Variants in LAMA2 observed in about 807,000 individuals in gnomAD.
LAMA2 encodes laminin subunit alpha-2.
A neutral mutation model predicts 364.8 loss-of-function variants in LAMA2; 269 were observed. The ratio of observed to expected loss-of-function variants is 0.74; its 90% CI spans 0.67 to 0.82. The LOEUF (loss-of-function observed/expected upper bound fraction) is 0.82. LAMA2 is among the 40% of genes least tolerant of loss of function. The pLI, the probability that LAMA2 is intolerant of heterozygous loss-of-function variation, is 0.00. For synonymous variants in LAMA2, 1,379 were observed against 1,370.6 expected (o/e 1.01, Z -0.14); for missense variants, 3,807 against 3,873.2 (o/e 0.98, Z 0.45).
chr6:129,192,707 A>T lies in LAMA2; in HGVS notation c.1636A>T (p.Thr546Ser). The change falls in exon 12 of 65, where the codon ACT becomes TCT. Residue 546 changes from threonine (T) to serine (S), a missense_variant. Thr to Ser is a moderately conservative substitution (Grantham distance 58). Transcript: ENST00000421865. ...KIQDMSGWYL[T>S]DLPGRIRVAP... The stretch of plus-strand genomic sequence containing the variant: ...ACAAGATATGAGTGGCTGGTATCTG[A>T]CTGACCTTCCTGGCCGCATTCGAGT... 6.2e-7 allele frequency: 1 copy of T among 1,614,166 alleles called. No homozygotes were observed. Among genetic ancestry groups the T allele is most frequent in the Non-Finnish European group, 8.5e-7 (1 of 1,180,020 alleles).
chr6:129,168,832 T>C (rs1281813791), intron 9 of LAMA2, among the ~76,000 whole-genome samples: 32 of 141,794 alleles, frequency 2.3e-4, no homozygotes, highest in Non-Finnish European at 4.9e-4. Flanking sequence ...GTATCCTCTT[T>C]TATTTCCTTG....
chr6:129,452,908 G>A (rs1782754483), intron 45 of LAMA2, 80 bp from the exon 46 acceptor site: 1 of 1,232,568 alleles, frequency 8.1e-7, no homozygotes, highest in African/African-American at 1.5e-5. Flanking sequence ...AAACGATGAT[G>A]GCTTTGTGGT....
chr6:129,412,116 CA>C (rs1780567401), intron 40 of LAMA2, among the ~76,000 whole-genome samples: 3 of 151,824 alleles, frequency 2.0e-5, no homozygotes, highest in Admixed American at 1.3e-4. Context: ...AGAAACAGAA[CA>C]AATTGGAAGT....
rs1036620004 is a variant in LAMA2 at position 129,514,581 on chromosome 6, T to A, written c.9197T>A (p.Val3066Asp). Residue 3066 changes from valine (V) to aspartate (D), a missense_variant, in exon 64 of 65, where the codon GTT becomes GAT. Physicochemically the swap from Val to Asp is radical, Grantham distance 152. This residue lies in a region of LAMA2 where 3,333 missense variants were observed against 3,345.7 expected (regional missense o/e 1.00). Transcript: ENST00000421865. ...GCTGACACAAATGACCCTGTGTTTG[T>A]TGGAGGCTTCCCAGGTGAGTGTTGG... ...TSADTNDPVF[V>D]GGFPDDLKQF... The A allele has an allele frequency of 6.2e-7, 1 of 1,613,830 alleles. No homozygotes were observed. Among genetic ancestry groups the A allele is most frequent in the Non-Finnish European group, 8.5e-7 (1 of 1,179,952 alleles).
chr6:128,943,269 CAGAGAGAGAGAGAGAGAGAG>C (rs6149801), intron 1 of LAMA2, among the ~76,000 whole-genome samples: 1 of 143,080 alleles, frequency 7.0e-6, no homozygotes, highest in East Asian at 2.1e-4. Flanking sequence ...TATATATACA[CAGAGAGAGAGAGAGAGAGAG>C]AGAGAGAGAG....
chr6:129,029,537 A>T (rs1308096476), intron 1 of LAMA2, among the ~76,000 whole-genome samples: 1 of 151,956 alleles, frequency 6.6e-6, no homozygotes, highest in Non-Finnish European at 1.5e-5. Flanking sequence ...AAATGTCTAG[A>T]AATATTTACA....
chr6:128,900,980 C>A lies in LAMA2; in HGVS notation c.112+17623C>A, dbSNP rs527433028. Among the ~76,000 whole-genome samples the A allele has an allele frequency of 5.9e-5, 9 of 152,274 alleles. No individual in the cohort carries two copies. In the East Asian group the frequency reaches 1.7e-3, roughly 29 times the overall value. ...CAGCTTAGGCAAAATAGTGAGATCC[C>A]TGCCTCTACAAAAATAAAATGAAAA... is the stretch of plus-strand genomic sequence containing the variant. On this transcript the variant is annotated intron_variant, in intron 1 of 64. Transcript: ENST00000421865.
intron 1 of LAMA2, among the ~76,000 whole-genome samples, chr6:128,918,829 C>T (rs919952651): frequency 3.9e-5 from 6 of 152,060 alleles, no homozygotes; most frequent in African/African-American, 1.2e-4. Flanking sequence ...ACAAGTAGTT[C>T]GAGGTTCAGC....
chr6:129,382,863 T>C (rs189744185), intron 34 of LAMA2, among the ~76,000 whole-genome samples: 22 of 152,366 alleles, frequency 1.4e-4, no homozygotes, highest in Admixed American at 9.8e-4. Flanking sequence ...GCTTTATTGC[T>C]TCTTCTCTGC....
chr6:129,443,845 C>A (rs1782236302), intron 44 of LAMA2, among the ~76,000 whole-genome samples: 1 of 152,064 alleles, frequency 6.6e-6, no homozygotes, highest in Non-Finnish European at 1.5e-5. Flanking sequence ...CCAAGAGTGT[C>A]CTCAGCGGAA....
chr6:129,349,316 C>T lies in LAMA2; in HGVS notation c.4455C>T (p.Val1485=), dbSNP rs1360162322. The change falls in exon 31 of 65, where the codon GTC becomes GTT. Residue 1485 remains valine, a synonymous_variant. Coordinates refer to ENST00000421865, the MANE Select transcript of LAMA2 (RefSeq NM_000426.4). The part of the protein sequence containing the change: ...SSSNNFSPSC[V]AEGLDDYRCT... ...GATTCAGTTTCAGCCCCTCTTGTGT[C>T]GCAGAAGGACTTGACGACTACCGCT... 7.4e-6 allele frequency: 12 copies of T among 1,613,128 alleles called. No homozygotes were observed. The highest frequency in any genetic ancestry group is 4.5e-5 in the East Asian group (2 of 44,846).
At chr6:128,921,120 G>A (rs1168403773) in intron 1 of LAMA2, among the ~76,000 whole-genome samples, 1 of 152,122 alleles carries the variant, frequency 6.6e-6, no homozygotes, top group East Asian at 1.9e-4. Flanking sequence ...ATAATTTTCA[G>A]TATAAGTATA....
chr6:129,199,386 A>G (rs1782040705), intron 12 of LAMA2, among the ~76,000 whole-genome samples: 1 of 152,222 alleles, frequency 6.6e-6, no homozygotes, highest in Non-Finnish European at 1.5e-5. Flanking sequence ...TCAATAGCAA[A>G]TATCTTATTT....
chr6:129,478,266 C>T (rs1784177752), intron 53 of LAMA2, among the ~76,000 whole-genome samples: 1 of 102,510 alleles, frequency 9.8e-6, no homozygotes, highest in South Asian at 3.3e-4. Flanking sequence ...AATAAATAAA[C>T]GTTTTCAGAT....
At chr6:129,158,981 C>A in intron 8 of LAMA2, 2 of 1,589,822 alleles carry the variant, frequency 1.3e-6, no homozygotes, top group South Asian at 2.2e-5. Flanking sequence ...TAAGGTTACT[C>A]CATTTTCTGA....
intron 58 of LAMA2, among the ~76,000 whole-genome samples, chr6:129,499,726 T>C (rs1230799414): frequency 1.3e-5 from 2 of 152,030 alleles, no homozygotes; most frequent in Non-Finnish European, 2.9e-5. Flanking sequence ...ATCATGTTTT[T>C]TTTCTTTTTG....
intron 17 of LAMA2, among the ~76,000 whole-genome samples, chr6:129,276,643 C>G (rs564255139): frequency 6.6e-6 from 1 of 152,168 alleles, no homozygotes; most frequent in South Asian, 2.1e-4. Context: ...TCTGGCTGCT[C>G]TGAATCATTT....
At chr6:129,130,529 A>G (rs1293434626) in intron 4 of LAMA2, among the ~76,000 whole-genome samples, 1 of 152,248 alleles carries the variant, frequency 6.6e-6, no homozygotes, top group Non-Finnish European at 1.5e-5. Flanking sequence ...ACTGGGAGAT[A>G]CTGAAGATGG....
chr6:128,953,096 A>G (rs1267067316), intron 1 of LAMA2, among the ~76,000 whole-genome samples: 3 of 152,174 alleles, frequency 2.0e-5, no homozygotes, highest in Non-Finnish European at 4.4e-5. Context: ...GGGCCCAACC[A>G]TGTAGGAACA....
Sources: gnomAD v4.1 joint callset for allele counts (sites outside exome capture counted in the v4.1 genomes callset) on GRCh38, gnomAD v4.1.1 for gene constraint, gnomAD v4.1.1 regional missense constraint, MANE v1.5 for transcripts, NCBI Gene and HGNC (gene_info 2026-07-23, HGNC 2026-07-21) for gene names.